Variants in CDH18 observed in about 807,000 individuals in gnomAD.
CDH18 encodes the protein cadherin-18.
In CDH18, 31 loss-of-function variants were observed where a neutral mutation model predicts 67.9. The ratio of observed to expected loss-of-function variants is 0.46; its 90% CI spans 0.34 to 0.62. The LOEUF is 0.62. Ranked by LOEUF, CDH18 falls within the 20% of genes least tolerant of loss-of-function variation. CDH18 has a pLI of 0.01. For synonymous variants in CDH18, 362 were observed against 347.2 expected (o/e 1.04, Z -0.48); for missense variants, 890 against 975.5 (o/e 0.91, Z 1.17).
At chr5:20,055,519 A>G (rs957888318) in intron 2 of CDH18, among the ~76,000 whole-genome samples, 3 of 152,268 alleles carry the variant, frequency 2.0e-5, no homozygotes, top group African/African-American at 7.2e-5. Flanking sequence ...GCAGGAAAGC[A>G]TATGATATAT....
chr5:20,170,827 T>C (rs1736643845), intron 2 of CDH18, among the ~76,000 whole-genome samples: 1 of 151,948 alleles, frequency 6.6e-6, no homozygotes. Context: ...TACCCAAAAG[T>C]CTTTTTTTTT....
chr5:20,459,340 T>A (rs1751082011), intron 1 of CDH18, among the ~76,000 whole-genome samples: 1 of 152,216 alleles, frequency 6.6e-6, no homozygotes, highest in African/African-American at 2.4e-5. Context: ...GAGTGACGTA[T>A]TTGTAATATA....
intron 3 of CDH18, among the ~76,000 whole-genome samples, chr5:19,829,460 C>A (rs1780785420): frequency 6.6e-6 from 1 of 151,986 alleles, no homozygotes; most frequent in Non-Finnish European, 1.5e-5. Context: ...ATTTCATTCA[C>A]AATAGTCACA....
At chr5:19,827,399 C>T (rs747291674) in intron 3 of CDH18, among the ~76,000 whole-genome samples, 46 of 150,758 alleles carry the variant, frequency 3.1e-4, no homozygotes, top group Non-Finnish European at 1.8e-4. Flanking sequence ...TAACAAATAT[C>T]TACAGAACTC....
chr5:20,219,814 T>C (rs1741081149), intron 2 of CDH18, among the ~76,000 whole-genome samples: 1 of 151,808 alleles, frequency 6.6e-6, no homozygotes, highest in Non-Finnish European at 1.5e-5. Context: ...AAACTGAATA[T>C]AGAAGGAACA....
At chr5:19,550,490 A>T (rs959532397) in intron 8 of CDH18, among the ~76,000 whole-genome samples, 7 of 151,578 alleles carry the variant, frequency 4.6e-5, no homozygotes, top group Non-Finnish European at 1.0e-4. Context: ...TTCAATTCCA[A>T]CCTATGAGTA....
chr5:20,167,085 A>G (rs1736351049), intron 2 of CDH18, among the ~76,000 whole-genome samples: 1 of 152,210 alleles, frequency 6.6e-6, no homozygotes, highest in South Asian at 2.1e-4. Flanking sequence ...ACATAAAAAT[A>G]AAAGTCTCTT....
intron 11 of CDH18, among the ~76,000 whole-genome samples, chr5:19,494,160 C>T (rs1741918615): frequency 1.3e-5 from 2 of 152,132 alleles, no homozygotes; most frequent in South Asian, 4.1e-4. Flanking sequence ...AAGATTTCCA[C>T]TCTTAAATCT....
chr5:20,441,123 A>G (rs544071725), intron 1 of CDH18, among the ~76,000 whole-genome samples: 1 of 151,530 alleles, frequency 6.6e-6, no homozygotes, highest in Admixed American at 6.6e-5. Context: ...CCAAGAACAG[A>G]ATTTTTGTTT....
intron 5 of CDH18, among the ~76,000 whole-genome samples, chr5:19,705,163 A>G (rs1223766243): frequency 1.3e-5 from 2 of 152,146 alleles, no homozygotes; most frequent in African/African-American, 2.4e-5. Context: ...TGGATGATAT[A>G]CTTTGTGCTG....
chr5:19,973,104 C>T (rs1353495741), intron 2 of CDH18, among the ~76,000 whole-genome samples: 1 of 151,904 alleles, frequency 6.6e-6, no homozygotes, highest in East Asian at 1.9e-4. Context: ...AATGAAAATG[C>T]ATAAACAACT....
intron 1 of CDH18, among the ~76,000 whole-genome samples, chr5:20,372,168 G>A (rs189023100): frequency 7.0e-4 from 107 of 152,238 alleles, no homozygotes; most frequent in Non-Finnish European, 1.3e-3. Context: ...CTGAAAACAC[G>A]TGAAATACAG....
chr5:19,941,698 G>T (rs776464827), intron 2 of CDH18, among the ~76,000 whole-genome samples: 2 of 151,902 alleles, frequency 1.3e-5, no homozygotes, highest in African/African-American at 2.4e-5. Context: ...GAGGCAGGAG[G>T]ATCACTTGAA....
chr5:19,811,164 G>C (rs536183281), intron 3 of CDH18, among the ~76,000 whole-genome samples: 10 of 112,446 alleles, frequency 8.9e-5, no homozygotes, highest in South Asian at 6.0e-4. Flanking sequence ...GAAAGAAGGA[G>C]AGAAAGAAAG....
At chr5:19,922,404 T>C (rs982604963) in intron 2 of CDH18, among the ~76,000 whole-genome samples, 3 of 152,200 alleles carry the variant, frequency 2.0e-5, no homozygotes, top group African/African-American at 2.4e-5. Flanking sequence ...ATGTTAAATA[T>C]AGGAGCATGA....
At chr5:19,669,379 G>A (rs1268979563) in intron 5 of CDH18, among the ~76,000 whole-genome samples, 2 of 150,998 alleles carry the variant, frequency 1.3e-5, no homozygotes, top group East Asian at 2.0e-4. Context: ...TACAACCTCC[G>A]CTTCCCAGGT....
At chr5:20,246,290 C>T (rs1410755588) in intron 2 of CDH18, among the ~76,000 whole-genome samples, 1 of 152,060 alleles carries the variant, frequency 6.6e-6, no homozygotes, top group African/African-American at 2.4e-5. Context: ...AGTGACTATT[C>T]ATTATTTTTG....
chr5:20,115,268 A>ATTTTT (rs1202226544), intron 2 of CDH18, among the ~76,000 whole-genome samples: 129 of 42,508 alleles, frequency 3.0e-3, no homozygotes, highest in South Asian at 6.1e-3. Context: ...TCAGGGCCTC[A>ATTTTT]TCTTTTTTTT....
At chr5:19,744,863 T>C (rs1769768367) in intron 4 of CDH18, among the ~76,000 whole-genome samples, 1 of 152,206 alleles carries the variant, frequency 6.6e-6, no homozygotes, top group South Asian at 2.1e-4. Context: ...TAAATTTTTC[T>C]CTTTTTATTA....
Sources: gnomAD v4.1 joint callset for allele counts (sites outside exome capture counted in the v4.1 genomes callset) on GRCh38, gnomAD v4.1.1 for gene constraint, MANE v1.5 for transcripts, NCBI Gene and HGNC (gene_info 2026-07-23, HGNC 2026-07-21) for gene names.